ATP7A: variants seen among roughly 807,000 people sequenced by gnomAD.
The protein encoded by ATP7A is ATPase copper transporting alpha.
A neutral mutation model predicts 83.5 loss-of-function variants in ATP7A; 7 were observed. The ratio of observed to expected loss-of-function variants is 0.08; its 90% CI spans 0.05 to 0.16. The LOEUF is 0.16. Among genes scored for constraint, ATP7A ranks in the 10% least tolerant of loss-of-function variants. The probability of loss-of-function intolerance (pLI) is 1.00; values close to 1 mark genes in which losing one functional copy is unlikely to be tolerated. For missense variants in ATP7A, 940 were observed against 1,120.8 expected (o/e 0.84, Z 2.30); for synonymous variants, 354 against 395.2 (o/e 0.90, Z 1.24).
chrX:77,915,881 C>T lies in ATP7A; in HGVS notation c.-22+5046C>T, dbSNP rs188480960. On this transcript the variant is annotated intron_variant, in intron 1 of 22. Transcript: ENST00000341514. ...GGTTACAGGCGTGTGCCACCACACC[C>T]GGCTAATTTATTTATTTTTAGTAGA... Among the ~76,000 whole-genome samples the T allele has an allele frequency of 1.8e-3, 198 of 111,436 alleles. 1 individual carries two copies. Among genetic ancestry groups the T allele is most frequent in the African/African-American group, 5.8e-3 (180 of 30,778 alleles).
At chrX:77,921,321 C>T (rs781862160) in intron 1 of ATP7A, among the ~76,000 whole-genome samples, 24 of 112,025 alleles carry the variant, frequency 2.1e-4, no homozygotes, top group Admixed American at 1.1e-3. Context: ...AGAACTCCTA[C>T]TCAATCTTCA....
At chrX:77,956,386 G>T (rs1199569267) in intron 1 of ATP7A, among the ~76,000 whole-genome samples, 1 of 111,805 alleles carries the variant, frequency 8.9e-6, no homozygotes, top group Non-Finnish European at 1.9e-5. Context: ...GGTGATCAGT[G>T]GTATGGATTG....
At chrX:78,008,810 C>T (rs1461259881) in intron 6 of ATP7A, among the ~76,000 whole-genome samples, 1 of 109,311 alleles carries the variant, frequency 9.1e-6, no homozygotes, top group Non-Finnish European at 1.9e-5. Flanking sequence ...GTCAGGAGTT[C>T]GAGACCAGCC....
In ATP7A at chrX:77,926,089, T is replaced by C. The variant is rs1387918672; in HGVS notation, c.-22+15254T>C. 2.7e-5 allele frequency among the ~76,000 whole-genome samples: 3 copies of C among 110,638 alleles called. No homozygotes were observed. The Admixed American group carries it at 2.9e-4, about 11-fold the overall frequency. On this transcript the variant is annotated intron_variant, in intron 1 of 22. Transcript: ENST00000341514. ...GAAACTGAGCTTCCAGTGTGGCTCA[T>C]AGTCGTTTGTAATCTATACAAATCT...
intron 2 of ATP7A, among the ~76,000 whole-genome samples, chrX:77,972,446 G>A (rs538873356): frequency 9.0e-6 from 1 of 111,118 alleles, no homozygotes; most frequent in Non-Finnish European, 1.9e-5. Flanking sequence ...TCCACCTCCC[G>A]GTTCAAGCAA....
intron 1 of ATP7A, among the ~76,000 whole-genome samples, chrX:77,957,243 A>G (rs1305291683): frequency 1.8e-5 from 2 of 111,037 alleles, no homozygotes; most frequent in African/African-American, 3.3e-5. Flanking sequence ...ATTTATTATT[A>G]TCATACTTTA....
chrX:77,949,786 T>C (rs1373794914), intron 1 of ATP7A, among the ~76,000 whole-genome samples: 1 of 110,072 alleles, frequency 9.1e-6, no homozygotes, highest in Non-Finnish European at 1.9e-5. Flanking sequence ...TTTTCTTGTA[T>C]GAAAATAGAG....
chrX:78,022,479 A>ACATGTG (rs2077912999), intron 14 of ATP7A, among the ~76,000 whole-genome samples: 1 of 96,242 alleles, frequency 1.0e-5, no homozygotes, highest in Non-Finnish European at 2.1e-5. Context: ...TTCAGGAGGT[A>ACATGTG]CATGTGCATG....
intron 1 of ATP7A, among the ~76,000 whole-genome samples, chrX:77,968,453 C>G (rs1218819351): frequency 8.9e-6 from 1 of 112,037 alleles, no homozygotes. Context: ...ACTAGAGCCC[C>G]CAGGCAGTGG....
rs953345697 is a variant in ATP7A at position 78,024,950 on chromosome X, A to T, written c.2916+3871A>T. Among the ~76,000 whole-genome samples the T allele has an allele frequency of 3.6e-5, 4 of 111,391 alleles. No individual in the cohort carries two copies. The Admixed American group carries it at 3.8e-4, about 11-fold the overall frequency. On this transcript the variant is annotated intron_variant, in intron 14 of 22. Coordinates refer to ENST00000341514, the MANE Select transcript of ATP7A (RefSeq NM_000052.7). The stretch of plus-strand genomic sequence containing the variant: ...TCTTGAGTGCCATCTACTGGTGTGT[A>T]TCCTGAACTGCATCATAAAATTTAA...
At chrX:77,940,069 CAG>C (rs1233374809) in intron 1 of ATP7A, among the ~76,000 whole-genome samples, 5 of 110,075 alleles carry the variant, frequency 4.5e-5, no homozygotes, top group Admixed American at 1.9e-4. Context: ...TGAAAACACA[CAG>C]AGAAATTCTG....
At chrX:78,043,105 T>C (rs1159445489) in intron 20 of ATP7A, among the ~76,000 whole-genome samples, 2 of 112,468 alleles carry the variant, frequency 1.8e-5, no homozygotes, top group Non-Finnish European at 3.8e-5. Flanking sequence ...AGTACCAGCA[T>C]ACACCCCTAA....
chrX:78,011,085 C>A, intron 7 of ATP7A, 91 bp from the exon 8 acceptor site: 1 of 806,160 alleles, frequency 1.2e-6, no homozygotes, highest in Non-Finnish European at 1.9e-6. Flanking sequence ...AGTAATTGAA[C>A]TGTTCTTAAT....
At chrX:77,921,928 A>G (rs1174233312) in intron 1 of ATP7A, among the ~76,000 whole-genome samples, 1 of 110,119 alleles carries the variant, frequency 9.1e-6, no homozygotes, top group Non-Finnish European at 1.9e-5. Flanking sequence ...ATAAAAATAA[A>G]AATATTAGCT....
intron 12 of ATP7A, among the ~76,000 whole-genome samples, chrX:78,018,173 C>A (rs781944606): frequency 2.9e-4 from 32 of 109,061 alleles, no homozygotes; most frequent in Non-Finnish European, 4.6e-4. Flanking sequence ...GCTTGGACTT[C>A]ATTGTTCACA....
chrX:78,004,357 T>C (rs1261726401), intron 6 of ATP7A, among the ~76,000 whole-genome samples: 3 of 112,409 alleles, frequency 2.7e-5, no homozygotes, highest in African/African-American at 9.7e-5. Flanking sequence ...TTTTCAACAT[T>C]GAAATTTTTA....
At chrX:78,033,527 T>C in intron 16 of ATP7A, 78 bp from the exon 17 acceptor site, 1 of 959,891 alleles carries the variant, frequency 1.0e-6, no homozygotes, top group South Asian at 2.0e-5. Context: ...TAGAATTAAC[T>C]AGGGGTTTTT....
chrX:78,033,231 A>G (rs2077993417), intron 16 of ATP7A, among the ~76,000 whole-genome samples: 1 of 111,780 alleles, frequency 8.9e-6, no homozygotes, highest in South Asian at 3.7e-4. Context: ...CAGCCTCCCT[A>G]GTAGCTGAGA....
At chrX:77,950,292 ACATGCTTTGGCTTTAATAATGGGAGC>A (rs1557226666) in intron 1 of ATP7A, among the ~76,000 whole-genome samples, 3 of 111,800 alleles carry the variant, frequency 2.7e-5, no homozygotes, top group Admixed American at 9.5e-5. Flanking sequence ...CCCACAACAC[ACATGCTTTGGCTTTAATAATGGGAGC>A]CAGGGTTGTA....
Sources: allele counts gnomAD v4.1 joint callset (sites outside exome capture counted in the v4.1 genomes callset), GRCh38; gene constraint gnomAD v4.1.1; transcripts MANE v1.5; gene names NCBI Gene and HGNC (gene_info 2026-07-23, HGNC 2026-07-21).